The following SCRN1 variants were observed in gnomAD, a reference collection of about 807,000 sequenced individuals.
The protein encoded by SCRN1 is secernin-1.
SCRN1 carries 19 observed loss-of-function variants against 43.3 expected under a neutral mutation model. That is an observed-to-expected ratio of 0.44 (90% CI 0.31 to 0.64). SCRN1 has a LOEUF of 0.64. Ranked by LOEUF, SCRN1 falls within the 30% of genes least tolerant of loss-of-function variation. SCRN1 has a pLI of 0.09. For synonymous variants in SCRN1, 183 were observed against 188.9 expected (o/e 0.97, Z 0.26); for missense variants, 447 against 524.1 (o/e 0.85, Z 1.44).
intron 1 of SCRN1, among the ~76,000 whole-genome samples, chr7:29,983,859 T>C (rs1789067607): frequency 6.6e-6 from 1 of 152,010 alleles, no homozygotes; most frequent in Non-Finnish European, 1.5e-5. Context: ...CTGAGATGAA[T>C]AAGTGTTGCC....
chr7:29,938,802 G>A (rs2128089234), intron 5 of SCRN1, among the ~76,000 whole-genome samples: 1 of 152,242 alleles, frequency 6.6e-6, no homozygotes, highest in Admixed American at 6.5e-5. Flanking sequence ...CTATGTTCAA[G>A]GCTCTCATCT....
intron 6 of SCRN1, among the ~76,000 whole-genome samples, chr7:29,928,432 A>C (rs1468004450): frequency 6.6e-6 from 1 of 152,220 alleles, no homozygotes; most frequent in Non-Finnish European, 1.5e-5. Flanking sequence ...AAAGAAAGAC[A>C]CTGATCACAA....
chr7:29,951,761 T>C (rs899718717), intron 3 of SCRN1, among the ~76,000 whole-genome samples: 4 of 152,212 alleles, frequency 2.6e-5, no homozygotes, highest in African/African-American at 7.2e-5. Flanking sequence ...AATGCTTACA[T>C]TCCCACAAGC....
intron 3 of SCRN1, among the ~76,000 whole-genome samples, chr7:29,948,608 T>C (rs578135081): frequency 1.3e-5 from 2 of 152,306 alleles, no homozygotes; most frequent in East Asian, 3.9e-4. Flanking sequence ...TTCTGAAATA[T>C]TGGAATTGAC....
chr7:29,929,585 C>T (rs1186143440), intron 6 of SCRN1, among the ~76,000 whole-genome samples: 1 of 152,224 alleles, frequency 6.6e-6, no homozygotes, highest in Non-Finnish European at 1.5e-5. Context: ...CCTGGCAGCA[C>T]CGCTGGGCGG....
intron 3 of SCRN1, among the ~76,000 whole-genome samples, chr7:29,954,555 T>C (rs1288945037): frequency 6.6e-6 from 1 of 152,204 alleles, no homozygotes; most frequent in African/African-American, 2.4e-5. Flanking sequence ...TTCCTGCCTC[T>C]ATGGATTTGC....
intron 3 of SCRN1, among the ~76,000 whole-genome samples, chr7:29,946,539 CTT>C (rs1787743905): frequency 6.6e-6 from 1 of 152,230 alleles, no homozygotes. Flanking sequence ...GAGCTTGTGA[CTT>C]ATCTTTTTTG....
intron 6 of SCRN1, among the ~76,000 whole-genome samples, chr7:29,934,027 T>G (rs1787244283): frequency 6.6e-6 from 1 of 152,176 alleles, no homozygotes; most frequent in Non-Finnish European, 1.5e-5. Flanking sequence ...CAAAAGACAG[T>G]AAGTCGAGCA....
rs760354057 is a variant in SCRN1, at chr7:29,921,153, A to G, written c.*2804T>C. ...GGGAGAGATTCTGTCCTTTCTGGCT[A>G]TGGCTTCTTTCTGCACAAGCATGCT... On this transcript the variant is annotated 3_prime_UTR_variant, in exon 8 of 8. Transcript: ENST00000242059. 6.6e-6 allele frequency: 1 copy of G among 152,656 alleles called. No individual in the cohort carries two copies. Among genetic ancestry groups the G allele is most frequent in the African/African-American group, 2.4e-5 (1 of 41,448 alleles). 9.5% of individuals were successfully genotyped at this position (152,656 alleles called of 1,614,324 possible).
chr7:29,941,148 T>A (rs1037440241), intron 4 of SCRN1, among the ~76,000 whole-genome samples: 2 of 152,236 alleles, frequency 1.3e-5, no homozygotes, highest in African/African-American at 2.4e-5. Flanking sequence ...AGGAAATATG[T>A]AAGGCTCTTC....
chr7:29,931,690 ACT>A (rs1562802281), intron 6 of SCRN1, among the ~76,000 whole-genome samples: 1 of 152,214 alleles, frequency 6.6e-6, no homozygotes, highest in East Asian at 1.9e-4. Flanking sequence ...AGATGCAGAA[ACT>A]CTCCAAGCAA....
At chr7:29,956,117 C>T (rs1229463433) in intron 2 of SCRN1, among the ~76,000 whole-genome samples, 2 of 152,200 alleles carry the variant, frequency 1.3e-5, no homozygotes, top group African/African-American at 4.8e-5. Flanking sequence ...CTATTTCTTC[C>T]CAAGTATTTT....
At chr7:29,949,055 CCT>C (rs1787827897) in intron 3 of SCRN1, among the ~76,000 whole-genome samples, 2 of 152,146 alleles carry the variant, frequency 1.3e-5, no homozygotes, top group Non-Finnish European at 2.9e-5. Context: ...GTGGCTCACA[CCT>C]GTAATCCTAG....
chr7:29,951,394 T>A (rs987942340), intron 3 of SCRN1, among the ~76,000 whole-genome samples: 1 of 152,132 alleles, frequency 6.6e-6, no homozygotes, highest in Non-Finnish European at 1.5e-5. Flanking sequence ...CTGAGTACAG[T>A]GTGCAGGGCC....
At chr7:29,937,092 G>A (rs953001431) in intron 5 of SCRN1, among the ~76,000 whole-genome samples, 3 of 152,122 alleles carry the variant, frequency 2.0e-5, no homozygotes, top group Non-Finnish European at 4.4e-5. Context: ...CAAAACTGTG[G>A]CGTGGCGGGC....
intron 3 of SCRN1, among the ~76,000 whole-genome samples, chr7:29,945,728 C>A (rs1787715312): frequency 6.6e-6 from 1 of 152,164 alleles, no homozygotes; most frequent in Non-Finnish European, 1.5e-5. Flanking sequence ...CCTTTCCAAA[C>A]CTTGATTTTT....
At chr7:29,977,870 G>C (rs1788880259) in intron 1 of SCRN1, among the ~76,000 whole-genome samples, 1 of 152,206 alleles carries the variant, frequency 6.6e-6, no homozygotes, top group Non-Finnish European at 1.5e-5. Flanking sequence ...TACTTACAAA[G>C]TGCTCAGAAT....
intron 1 of SCRN1, chr7:29,969,707 T>G (rs1788609360): frequency 2.4e-6 from 1 of 417,386 alleles, no homozygotes; most frequent in African/African-American, 2.0e-5. Flanking sequence ...CCTCATTTAA[T>G]GATCTTTTCT....
At chr7:29,969,111 G>A in intron 1 of SCRN1, 43 bp from the exon 2 acceptor site, 1 of 1,590,710 alleles carries the variant, frequency 6.3e-7, no homozygotes, top group Non-Finnish European at 8.6e-7. Context: ...GGCCTCACAT[G>A]GAACACTCCA....
Sources: gnomAD v4.1 joint callset for allele counts (sites outside exome capture counted in the v4.1 genomes callset) on GRCh38, gnomAD v4.1.1 for gene constraint, MANE v1.5 for transcripts, NCBI Gene and HGNC (gene_info 2026-07-23, HGNC 2026-07-21) for gene names.